The following RNF169 variants were observed in gnomAD, a reference collection of about 807,000 sequenced individuals.
RNF169 encodes the protein E3 ubiquitin-protein ligase RNF169.
In RNF169, 24 loss-of-function variants were observed where a neutral mutation model predicts 53.9. The ratio of observed to expected loss-of-function variants is 0.45; its 90% CI spans 0.32 to 0.63. The LOEUF (loss-of-function observed/expected upper bound fraction) is 0.63, where lower values mean the gene tolerates loss of function less well. Among genes scored for constraint, RNF169 ranks in the 20% least tolerant of loss-of-function variants. The pLI is 0.04. For missense variants in RNF169, 883 were observed against 906.2 expected (o/e 0.97, Z 0.33); for synonymous variants, 396 against 363.5 (o/e 1.09, Z -1.02).
At chr11:74,756,351 G>C (rs903043636) in intron 1 of RNF169, among the ~76,000 whole-genome samples, 1 of 152,204 alleles carries the variant, frequency 6.6e-6, no homozygotes, top group Non-Finnish European at 1.5e-5. Context: ...CCTGGAGACA[G>C]ACTACCTGGG....
chr11:74,766,762 A>G (rs1224702117), intron 1 of RNF169, among the ~76,000 whole-genome samples: 1 of 152,236 alleles, frequency 6.6e-6, no homozygotes, highest in East Asian at 1.9e-4. Context: ...CCATAAAAAA[A>G]GCAAGAAGAA....
intron 1 of RNF169, among the ~76,000 whole-genome samples, chr11:74,756,494 T>C (rs1282761732): frequency 6.6e-6 from 1 of 152,204 alleles, no homozygotes; most frequent in East Asian, 1.9e-4. Context: ...AAATGAATTA[T>C]TACAATGCTT....
At position 74,749,280 on chromosome 11, in the gene RNF169, C is replaced by G; in HGVS notation, c.400C>G (p.Arg134Gly). Reference sequence around the variant, plus strand: ...CTCAGAGGTGCTGGGCGAGTGCGCCCGCCGCAGCCAACCCGAGCGCTGCCG... The same window carrying G: ...CTCAGAGGTGCTGGGCGAGTGCGCCGGCCGCAGCCAACCCGAGCGCTGCCG... The part of the protein sequence containing the change: ...ADSEVLGECA[R>G]RSQPERCRPR... The change falls in exon 1 of 6, where the codon CGC becomes GGC. Residue 134 changes from arginine to glycine, a missense_variant. Arg to Gly is a moderately radical substitution (Grantham distance 125). Around this residue, in one of 3 missense-constraint regions of RNF169, gnomAD observed 313 missense variants for 279.9 expected, o/e 1.12. Coordinates refer to ENST00000299563, the MANE Select transcript of RNF169 (RefSeq NM_001098638.2). 9 of 1,153,496 alleles carry G rather than the reference C, an allele frequency of 7.8e-6. No individual in the cohort carries two copies. Among genetic ancestry groups the G allele is most frequent in the Non-Finnish European group, 9.6e-6 (9 of 938,390 alleles). The allele number at this position is 1,153,496 out of a possible 1,614,324, so 71.5% of individuals were successfully genotyped here.
rs192952383 is a variant in RNF169, at chr11:74,823,290, C to T, written c.842+5576C>T. Among the ~76,000 whole-genome samples the T allele has an allele frequency of 1.1e-4, 16 of 152,188 alleles. No homozygotes were observed. In the Middle Eastern group the frequency reaches 0.014, roughly 129 times the overall value. ...TCACTATTTCTTAAAAGATACTTTGCCTGGTGACATGAGCAAAATTGGCAG... is the reference window on the plus strand; with the variant it reads ...TCACTATTTCTTAAAAGATACTTTGTCTGGTGACATGAGCAAAATTGGCAG... On this transcript the variant is annotated intron_variant, in intron 4 of 5. Transcript: ENST00000299563.
At chr11:74,791,710 G>A (rs557494392) in intron 2 of RNF169, among the ~76,000 whole-genome samples, 34 of 152,346 alleles carry the variant, frequency 2.2e-4, no homozygotes, top group African/African-American at 7.5e-4. Context: ...GCACTTCCGA[G>A]CCTGTGAGAG....
rs918391859 is a variant in RNF169, at chr11:74,841,686, C to G, written c.*4956C>G. On this transcript the variant is annotated 3_prime_UTR_variant, in exon 6 of 6. Transcript: ENST00000299563. The stretch of plus-strand genomic sequence containing the variant: ...CCTTTCTGGTGTCTTAAATCAAGAA[C>G]TAGTTTGAAGCCAAGGCAAAGCAAG... The G allele has an allele frequency of 7.2e-5, 11 of 152,198 alleles. No homozygotes were observed. The highest frequency in any genetic ancestry group is 2.6e-4 in the Admixed American group (4 of 15,272). 9.4% of individuals were successfully genotyped at this position (152,198 alleles called of 1,614,324 possible). A position where few individuals can be genotyped will look rare whatever the true frequency, so the allele number is the denominator to read the frequency against.
In RNF169 at chr11:74,749,928, A is replaced by G. The variant is rs530764846; in HGVS notation, c.502+546A>G. On this transcript the variant is annotated intron_variant, in intron 1 of 5. Transcript: ENST00000299563. ...CATACATTTTGGAAAATGTATGCTT[A>G]GCACAGAACTTGGCACATAGTGAGG... is the stretch of plus-strand genomic sequence containing the variant. Among the ~76,000 whole-genome samples, 7 of 152,316 alleles carry G rather than the reference A, an allele frequency of 4.6e-5. No individual in the cohort carries two copies. In the East Asian group the frequency reaches 1.3e-3, roughly 29 times the overall value.
rs548785482 is a variant in RNF169 at position 74,766,846 on chromosome 11, C to T, written c.502+17464C>T. On this transcript the variant is annotated intron_variant, in intron 1 of 5. Transcript: ENST00000299563. The stretch of plus-strand genomic sequence containing the variant: ...CCAAATATTGAAGGATGGATGGTTC[C>T]AGGGAATAAATAAAACGTTTCCAGA... Among the ~76,000 whole-genome samples the T allele has an allele frequency of 5.3e-5, 8 of 152,214 alleles. No homozygotes were observed. In the South Asian group the frequency reaches 1.7e-3, roughly 32 times the overall value.
intron 1 of RNF169, among the ~76,000 whole-genome samples, chr11:74,763,513 T>G (rs148954732): frequency 2.6e-4 from 39 of 152,244 alleles, no homozygotes; most frequent in Non-Finnish European, 4.1e-4. Context: ...AACACACACA[T>G]TTGAAAAAGA....
chr11:74,791,881 T>A lies in RNF169; in HGVS notation c.576+2182T>A, dbSNP rs530121718. 3.9e-5 allele frequency among the ~76,000 whole-genome samples: 6 copies of A among 152,232 alleles called. No individual in the cohort carries two copies. The South Asian group carries it at 1.2e-3, about 31-fold the overall frequency. Reference sequence around the variant, plus strand: ...CCTGTTCCTGGCTCCAGCTGACACCTGCCGGCTCCGTGGAGCGTACAGCCC... The same window carrying A: ...CCTGTTCCTGGCTCCAGCTGACACCAGCCGGCTCCGTGGAGCGTACAGCCC... On this transcript the variant is annotated intron_variant, in intron 2 of 5. Coordinates refer to ENST00000299563, the MANE Select transcript of RNF169 (RefSeq NM_001098638.2).
chr11:74,749,427 C>G, intron 1 of RNF169, 45 bp downstream of exon 1: 3 of 1,221,088 alleles, frequency 2.5e-6, no homozygotes, highest in Non-Finnish European at 3.1e-6. Flanking sequence ...CGAGGCCGAG[C>G]GCGCCCCGGC....
chr11:74,824,395 A>G (rs2036062946), intron 4 of RNF169, among the ~76,000 whole-genome samples: 1 of 152,212 alleles, frequency 6.6e-6, no homozygotes, highest in African/African-American at 2.4e-5. Flanking sequence ...AAGTGTACCA[A>G]TATACACAAA....
At chr11:74,826,378 G>A (rs908743582) in intron 4 of RNF169, among the ~76,000 whole-genome samples, 3 of 151,978 alleles carry the variant, frequency 2.0e-5, no homozygotes, top group African/African-American at 7.3e-5. Flanking sequence ...TCACTATCAC[G>A]AGAACAGCAT....
intron 1 of RNF169, among the ~76,000 whole-genome samples, chr11:74,784,924 G>A (rs747271366): frequency 3.3e-5 from 5 of 152,092 alleles, no homozygotes; most frequent in Admixed American, 6.5e-5. Context: ...GTATGTGTAC[G>A]TGTACATGTG....
intron 2 of RNF169, among the ~76,000 whole-genome samples, chr11:74,792,986 C>G (rs2035599669): frequency 6.6e-6 from 1 of 152,196 alleles, no homozygotes; most frequent in Admixed American, 6.5e-5. Flanking sequence ...AAATGGAAGT[C>G]TAAGCCATAA....
intron 3 of RNF169, among the ~76,000 whole-genome samples, chr11:74,813,235 G>A (rs898827444): frequency 1.1e-4 from 17 of 152,148 alleles, no homozygotes; most frequent in South Asian, 8.3e-4. Context: ...AGTTTGTTGA[G>A]TATAGGAAAT....
At chr11:74,754,568 C>A (rs1316481158) in intron 1 of RNF169, among the ~76,000 whole-genome samples, 1 of 152,142 alleles carries the variant, frequency 6.6e-6, no homozygotes, top group Non-Finnish European at 1.5e-5. Flanking sequence ...CATCTGTAAT[C>A]CCAGCACTTT....
At chr11:74,819,820 C>G (rs1423348771) in intron 4 of RNF169, among the ~76,000 whole-genome samples, 1 of 152,176 alleles carries the variant, frequency 6.6e-6, no homozygotes, top group Non-Finnish European at 1.5e-5. Flanking sequence ...TATATTGATA[C>G]TTTTTATAGA....
At chr11:74,824,598 A>G (rs1338839531) in intron 4 of RNF169, among the ~76,000 whole-genome samples, 1 of 152,380 alleles carries the variant, frequency 6.6e-6, no homozygotes, top group Admixed American at 6.5e-5. Flanking sequence ...AATACTGGAA[A>G]TAGCAAAGAT....
Sources: allele counts gnomAD v4.1 joint callset (sites outside exome capture counted in the v4.1 genomes callset), GRCh38; gene constraint gnomAD v4.1.1; regional missense constraint gnomAD v4.1.1; transcripts MANE v1.5; gene names NCBI Gene and HGNC (gene_info 2026-07-23, HGNC 2026-07-21).